Variants in ZMYM2 observed in about 807,000 individuals in gnomAD.
ZMYM2 encodes zinc finger MYM-type containing 2.
ZMYM2 carries 56 observed loss-of-function variants against 162.8 expected under a neutral mutation model. That is an observed-to-expected ratio of 0.34 (90% CI 0.28 to 0.43). ZMYM2 has a LOEUF of 0.43. Among genes scored for constraint, ZMYM2 ranks in the 20% least tolerant of loss-of-function variants. The probability of loss-of-function intolerance (pLI) is 1.00; values close to 1 mark genes in which losing one functional copy is unlikely to be tolerated. For missense variants in ZMYM2, 1,275 were observed against 1,621.8 expected, an observed-to-expected ratio of 0.79 and a Z score of 3.67; for synonymous variants, 510 against 541.6, an observed-to-expected ratio of 0.94 and a Z score of 0.81.
chr13:20,052,322 G>C lies in ZMYM2; in HGVS notation c.2493+11G>C. ...CGAACCAAAATGACAGTAAGTATTG[G>C]TGAAATGGAGTGCTGAATTGTGATT... On this transcript the variant is annotated intron_variant, in intron 14 of 24. Transcript: ENST00000610343. The C allele has an allele frequency of 6.4e-7, 1 of 1,568,442 alleles. No homozygotes were observed. The highest frequency in any genetic ancestry group is 8.7e-7 in the Non-Finnish European group (1 of 1,155,792).
At chr13:19,925,457 C>T in the ZMYM2 span, among the ~76,000 whole-genome samples, 1 of 152,056 alleles carries the variant, frequency 6.6e-6, no homozygotes, top group Non-Finnish European at 1.5e-5. Flanking sequence ...AAATATTAAA[C>T]ATTTTTTAAT....
At chr13:20,048,225 T>C (rs1338675667) in intron 12 of ZMYM2, among the ~76,000 whole-genome samples, 2 of 152,010 alleles carry the variant, frequency 1.3e-5, no homozygotes, top group Non-Finnish European at 2.9e-5. Flanking sequence ...AACAGTATGA[T>C]TTATGGGCTT....
chr13:20,030,690 G>A (rs915081214), intron 9 of ZMYM2, among the ~76,000 whole-genome samples: 45 of 152,032 alleles, frequency 3.0e-4, no homozygotes, highest in African/African-American at 4.3e-4. Flanking sequence ...GAGCCACCAC[G>A]CCTGGCCTAA....
chr13:19,958,273 C>G (rs1178972751), upstream of ZMYM2, among the ~76,000 whole-genome samples: 6 of 152,184 alleles, frequency 3.9e-5, no homozygotes, highest in Non-Finnish European at 5.9e-5. Context: ...GAGGCCGCGG[C>G]TCTCCTCGGG....
At chr13:20,008,861 A>G (rs912923702) in intron 6 of ZMYM2, among the ~76,000 whole-genome samples, 4 of 152,224 alleles carry the variant, frequency 2.6e-5, no homozygotes, top group African/African-American at 4.8e-5. Flanking sequence ...TAAATAGTCA[A>G]CTGAAAAACC....
At chr13:19,892,260 T>G in the ZMYM2 span, among the ~76,000 whole-genome samples, 5 of 151,430 alleles carry the variant, frequency 3.3e-5, no homozygotes, top group Non-Finnish European at 7.4e-5. Context: ...ATGATTTATT[T>G]ATTTTTATTT....
chr13:19,881,621 C>G, the ZMYM2 span, among the ~76,000 whole-genome samples: 4 of 150,424 alleles, frequency 2.7e-5, no homozygotes, highest in Non-Finnish European at 4.4e-5. Context: ...GACTCAGTCT[C>G]AATAAAAAAT....
Position 20,014,396 on chromosome 13 carries a change from A to G in ZMYM2, c.1513-5151A>G, listed in dbSNP as rs192519274. Among the ~76,000 whole-genome samples the G allele has an allele frequency of 2.2e-3, 340 of 152,186 alleles. 4 individuals are homozygous for G. The highest frequency in any genetic ancestry group is 2.1e-3 in the Non-Finnish European group (146 of 67,992). On this transcript the variant is annotated intron_variant, in intron 6 of 24. Transcript: ENST00000610343. Reference sequence around the variant, plus strand: ...CAGGACATTTTTGATGACTGAGTCTATTGTTACAGGTCTGTTCACGTTTTC... The same window carrying G: ...CAGGACATTTTTGATGACTGAGTCTGTTGTTACAGGTCTGTTCACGTTTTC...
At chr13:19,910,007 A>G in the ZMYM2 span, among the ~76,000 whole-genome samples, 1 of 151,058 alleles carries the variant, frequency 6.6e-6, no homozygotes, top group Non-Finnish European at 1.5e-5. Flanking sequence ...CGAGGTCAGG[A>G]GATCGAGACC....
At chr13:19,910,532 CTCTT>C in the ZMYM2 span, among the ~76,000 whole-genome samples, 3 of 143,816 alleles carry the variant, frequency 2.1e-5, no homozygotes, top group Non-Finnish European at 3.0e-5. Context: ...TTCTCTCTCT[CTCTT>C]TTTTTTTTTT....
the ZMYM2 span, among the ~76,000 whole-genome samples, chr13:19,888,458 G>A: frequency 6.6e-6 from 1 of 151,904 alleles, no homozygotes; most frequent in East Asian, 1.9e-4. Context: ...CAAAGTGCTG[G>A]CAATACAGGC....
chr13:19,997,722 A>G (rs1950121237), intron 3 of ZMYM2, among the ~76,000 whole-genome samples: 1 of 152,190 alleles, frequency 6.6e-6, no homozygotes, highest in African/African-American at 2.4e-5. Context: ...TATAAAGAAA[A>G]TAATGTTGTC....
At chr13:19,970,268 ATGTT>A (rs948629078) in intron 2 of ZMYM2, among the ~76,000 whole-genome samples, 2 of 152,148 alleles carry the variant, frequency 1.3e-5, no homozygotes, top group Non-Finnish European at 2.9e-5. Context: ...TTTTTAAACT[ATGTT>A]TGGAGAAGGA....
At chr13:19,934,318 G>A in the ZMYM2 span, among the ~76,000 whole-genome samples, 2 of 152,006 alleles carry the variant, frequency 1.3e-5, no homozygotes, top group Admixed American at 6.6e-5. Context: ...CCACCACCAT[G>A]CCTGGCTAAT....
the ZMYM2 span, among the ~76,000 whole-genome samples, chr13:19,888,845 C>G: frequency 6.6e-6 from 1 of 151,718 alleles, no homozygotes; most frequent in Non-Finnish European, 1.5e-5. Flanking sequence ...GTGATCCACC[C>G]GCCACGGCCT....
At chr13:20,080,880 G>GTT (rs1957865219) in intron 21 of ZMYM2, among the ~76,000 whole-genome samples, 1 of 152,164 alleles carries the variant, frequency 6.6e-6, no homozygotes, top group Non-Finnish European at 1.5e-5. Flanking sequence ...GGTCATGCTT[G>GTT]TATGTCATGC....
At chr13:20,001,422 G>A (rs116464897) in intron 3 of ZMYM2, among the ~76,000 whole-genome samples, 297 of 150,792 alleles carry the variant, frequency 2.0e-3, no homozygotes, top group African/African-American at 6.8e-3. Flanking sequence ...AGTAGAGCCC[G>A]AAGATGAGAT....
chr13:19,970,009 ATTG>A (rs1476414421), intron 2 of ZMYM2: 2 of 984,458 alleles, frequency 2.0e-6, no homozygotes, highest in Admixed American at 6.2e-5. Context: ...TGATGCAAGT[ATTG>A]TTGTTTCTTT....
At chr13:20,002,382 G>A (rs1950461387) in intron 3 of ZMYM2, among the ~76,000 whole-genome samples, 1 of 152,120 alleles carries the variant, frequency 6.6e-6, no homozygotes, top group Non-Finnish European at 1.5e-5. Flanking sequence ...TTTACCATTA[G>A]CATGAGGTTG....
Sources: gnomAD v4.1 joint callset for allele counts (sites outside exome capture counted in the v4.1 genomes callset) on GRCh38, gnomAD v4.1.1 for gene constraint, MANE v1.5 for transcripts, NCBI Gene and HGNC (gene_info 2026-07-23, HGNC 2026-07-21) for gene names.